The following MSI2 variants were observed in gnomAD, a reference collection of about 807,000 sequenced individuals.
MSI2 encodes the protein musashi RNA binding protein 2, also known as RNA-binding protein Musashi homolog 2.
MSI2 carries 17 observed loss-of-function variants against 45.6 expected under a neutral mutation model. That is an observed-to-expected ratio of 0.37 (90% CI 0.26 to 0.56). MSI2 has a LOEUF of 0.56. Among genes scored for constraint, MSI2 ranks in the 20% least tolerant of loss-of-function variants. MSI2 has a pLI of 0.77. For synonymous variants in MSI2, 156 were observed against 158.2 expected (o/e 0.99, Z 0.11); for missense variants, 293 against 444.2 (o/e 0.66, Z 3.06).
chr17:57,590,959 A>G (rs894856776), intron 7 of MSI2, among the ~76,000 whole-genome samples: 6 of 152,164 alleles, frequency 3.9e-5, no homozygotes, highest in African/African-American at 1.4e-4. Flanking sequence ...TGAGCAGTGG[A>G]TGTTCACAGG....
chr17:57,660,009 C>T lies in MSI2; in HGVS notation c.790+7848C>T, dbSNP rs765587017. On this transcript the variant is annotated intron_variant, in intron 11 of 13. Transcript: ENST00000284073. ...TTTGACTGTATCAGAAACCTCCCAA[C>T]TCTGATTAAACACTATAGGTTAATG... Among the ~76,000 whole-genome samples, 6 of 152,216 alleles carry T rather than the reference C, an allele frequency of 3.9e-5. No homozygotes were observed. In the South Asian group the frequency reaches 1.2e-3, roughly 32 times the overall value.
intron 8 of MSI2, among the ~76,000 whole-genome samples, chr17:57,597,360 A>G (rs7224221): frequency 0.074 from 11,176 of 151,336 alleles, 702 homozygotes; most frequent in East Asian, 0.17. Flanking sequence ...GCCAAGCATG[A>G]TGGCTCACGC....
Position 57,651,543 on chromosome 17 carries a change from T to C in MSI2, c.728-556T>C, listed in dbSNP as rs1911150927. Among the ~76,000 whole-genome samples, 6 of 152,214 alleles carry C rather than the reference T, an allele frequency of 3.9e-5. 1 individual carries two copies. In the South Asian group the frequency reaches 8.3e-4, roughly 21 times the overall value. ...TGGGGCTGTGATGCTGCTGACTTCATGTTTTGACAAAAGTCTGGAGTTAAA... is the reference window on the plus strand; with the variant it reads ...TGGGGCTGTGATGCTGCTGACTTCACGTTTTGACAAAAGTCTGGAGTTAAA... On this transcript the variant is annotated intron_variant, in intron 10 of 13. Coordinates refer to ENST00000284073, the MANE Select transcript of MSI2 (RefSeq NM_138962.4).
At chr17:57,257,022 T>C in intron 1 of MSI2, 76 bp from the exon 2 acceptor site, 1 of 1,582,790 alleles carries the variant, frequency 6.3e-7, no homozygotes, top group East Asian at 2.4e-5. Context: ...CGCTTTCCTT[T>C]TAGCTTTTGT....
intron 6 of MSI2, among the ~76,000 whole-genome samples, chr17:57,490,304 A>G (rs185948915): frequency 6.6e-6 from 1 of 152,302 alleles, no homozygotes; most frequent in Admixed American, 6.5e-5. Context: ...TCTTAAGTCT[A>G]ATATGTTTAG....
intron 5 of MSI2, among the ~76,000 whole-genome samples, chr17:57,381,572 A>G (rs7211899): frequency 0.99 from 150,194 of 152,290 alleles, 74,097 homozygotes; most frequent in Middle Eastern, 1. Context: ...CATATTGAGG[A>G]CAAGACTGTC....
At chr17:57,612,758 T>G in intron 8 of MSI2, among the ~76,000 whole-genome samples, 1 of 152,200 alleles carries the variant, frequency 6.6e-6, no homozygotes, top group East Asian at 1.9e-4. Flanking sequence ...TGTATAAACC[T>G]GAGATTTCCG....
intron 6 of MSI2, among the ~76,000 whole-genome samples, chr17:57,487,956 G>A (rs939045218): frequency 6.6e-6 from 1 of 151,980 alleles, no homozygotes; most frequent in South Asian, 2.1e-4. Context: ...TTGCCTGCCT[G>A]TCCATCATGT....
chr17:57,443,906 C>G (rs2084847858), intron 6 of MSI2, among the ~76,000 whole-genome samples: 1 of 152,164 alleles, frequency 6.6e-6, no homozygotes, highest in Non-Finnish European at 1.5e-5. Flanking sequence ...TTACCAAAAA[C>G]TGGGCAGATG....
At chr17:57,518,956 C>G (rs1396806818) in intron 6 of MSI2, among the ~76,000 whole-genome samples, 1 of 152,208 alleles carries the variant, frequency 6.6e-6, no homozygotes, top group Non-Finnish European at 1.5e-5. Context: ...TCTCCCCTTC[C>G]CTCATCGCCT....
intron 7 of MSI2, among the ~76,000 whole-genome samples, chr17:57,593,214 C>T (rs8078041): frequency 0.038 from 5,797 of 152,224 alleles, 187 homozygotes; most frequent in East Asian, 0.17. Context: ...GAGGAGGTTG[C>T]GTGCAGCCCC....
the MSI2 span, among the ~76,000 whole-genome samples, chr17:57,699,036 AGAGAGAGAGT>A: frequency 1.3e-3 from 102 of 77,916 alleles, 26 homozygotes; most frequent in African/African-American, 5.6e-3. Context: ...AGAGAGAGAG[AGAGAGAGAGT>A]GTGTGTGTGT....
intron 6 of MSI2, among the ~76,000 whole-genome samples, chr17:57,416,869 T>C (rs2084304477): frequency 6.6e-6 from 1 of 151,874 alleles, no homozygotes; most frequent in Non-Finnish European, 1.5e-5. Context: ...GGTCCTAAGG[T>C]GGTTGTGCTT....
intron 6 of MSI2, among the ~76,000 whole-genome samples, chr17:57,498,049 T>C (rs1377009394): frequency 6.6e-6 from 1 of 152,216 alleles, no homozygotes; most frequent in Non-Finnish European, 1.5e-5. Context: ...GAACTGATCC[T>C]GCAAGTAAGA....
chr17:57,691,769 A>G, the MSI2 span, among the ~76,000 whole-genome samples: 46 of 152,294 alleles, frequency 3.0e-4, no homozygotes, highest in East Asian at 6.0e-3. Flanking sequence ...GTAGATAATC[A>G]TACTGTCTGA....
At chr17:57,328,513 A>T (rs536024526) in intron 5 of MSI2, among the ~76,000 whole-genome samples, 1 of 152,344 alleles carries the variant, frequency 6.6e-6, no homozygotes, top group Non-Finnish European at 1.5e-5. Context: ...ATACATTTAG[A>T]TCACATTATA....
chr17:57,304,193 C>T (rs2143558538), intron 5 of MSI2, among the ~76,000 whole-genome samples: 1 of 151,808 alleles, frequency 6.6e-6, no homozygotes, highest in East Asian at 2.0e-4. Context: ...GCTATCTCTA[C>T]TAAAAATACA....
In MSI2 at chr17:57,365,166, G is replaced by A. The variant is rs556459306; in HGVS notation, c.313-36213G>A. Reference sequence around the variant, plus strand: ...TCCTGTGTTGAGATTTCATTTGAAAGGAAACCTGAAGATCTTGGGTGTTTA... The same window carrying A: ...TCCTGTGTTGAGATTTCATTTGAAAAGAAACCTGAAGATCTTGGGTGTTTA... On this transcript the variant is annotated intron_variant, in intron 5 of 13. Coordinates refer to ENST00000284073, the MANE Select transcript of MSI2 (RefSeq NM_138962.4). 20 of 152,288 alleles carry A rather than the reference G, an allele frequency of 1.3e-4. No individual in the cohort carries two copies. In the East Asian group the frequency reaches 3.1e-3, roughly 24 times the overall value. 9.4% of individuals were successfully genotyped at this position (152,288 alleles called of 1,614,324 possible). A position where few individuals can be genotyped will look rare whatever the true frequency, so the allele number is the denominator to read the frequency against.
At chr17:57,545,931 G>C (rs750429058) in intron 7 of MSI2, among the ~76,000 whole-genome samples, 6 of 151,918 alleles carry the variant, frequency 3.9e-5, no homozygotes, top group Non-Finnish European at 8.8e-5. Flanking sequence ...GTGAAGACCT[G>C]GTATTTATTG....
Sources: allele counts gnomAD v4.1 joint callset (sites outside exome capture counted in the v4.1 genomes callset), GRCh38; gene constraint gnomAD v4.1.1; transcripts MANE v1.5; gene names NCBI Gene and HGNC (gene_info 2026-07-23, HGNC 2026-07-21).